Variants in CCSER1 observed in about 807,000 individuals in gnomAD.
CCSER1 encodes the protein coiled-coil serine rich protein 1.
Under a neutral mutation model 82.0 loss-of-function variants are expected in CCSER1, and 41 were observed. The observed-to-expected ratio is 0.50, with a 90% CI of 0.39 to 0.65. The LOEUF is 0.65. Ranked by LOEUF, CCSER1 falls within the 30% of genes least tolerant of loss-of-function variation. The probability of loss-of-function intolerance (pLI) is 0.00; values close to 1 mark genes in which losing one functional copy is unlikely to be tolerated. For synonymous variants in CCSER1, 414 were observed against 383.9 expected, an observed-to-expected ratio of 1.08 and a Z score of -0.92; for missense variants, 1,119 against 1,064.2, an observed-to-expected ratio of 1.05 and a Z score of -0.72.
At chr4:91,034,945 C>T (rs1050137175) in intron 9 of CCSER1, among the ~76,000 whole-genome samples, 6 of 152,066 alleles carry the variant, frequency 3.9e-5, no homozygotes, top group African/African-American at 9.7e-5. Context: ...AATAGCTTGA[C>T]ATTTTCTTCA....
At chr4:91,176,835 G>A (rs950099542) in intron 10 of CCSER1, among the ~76,000 whole-genome samples, 35 of 152,186 alleles carry the variant, frequency 2.3e-4, no homozygotes, top group Non-Finnish European at 3.2e-4. Context: ...TGATTGCCCT[G>A]GCCAGAACTT....
intron 3 of CCSER1, among the ~76,000 whole-genome samples, chr4:90,389,575 A>T (rs1028226019): frequency 5.3e-5 from 8 of 152,148 alleles, no homozygotes; most frequent in African/African-American, 1.9e-4. Flanking sequence ...GGTAAATGAG[A>T]TATTATTTTC....
At chr4:90,559,138 T>G (rs1410594720) in intron 5 of CCSER1, among the ~76,000 whole-genome samples, 4 of 152,192 alleles carry the variant, frequency 2.6e-5, no homozygotes, top group African/African-American at 7.2e-5. Flanking sequence ...ACTATCTGAT[T>G]TGTATATTCT....
At chr4:90,384,887 T>G (rs961431395) in intron 3 of CCSER1, among the ~76,000 whole-genome samples, 3 of 152,146 alleles carry the variant, frequency 2.0e-5, no homozygotes, top group Non-Finnish European at 2.9e-5. Flanking sequence ...CACTCCTCCT[T>G]GCACCATTCC....
At chr4:90,717,019 C>T (rs1257868282) in intron 6 of CCSER1, among the ~76,000 whole-genome samples, 1 of 152,138 alleles carries the variant, frequency 6.6e-6, no homozygotes, top group Non-Finnish European at 1.5e-5. Context: ...TACTTGGTGA[C>T]TTCAGTCAAT....
intron 1 of CCSER1, among the ~76,000 whole-genome samples, chr4:90,246,827 T>G (rs979643435): frequency 6.6e-6 from 1 of 152,138 alleles, no homozygotes; most frequent in Non-Finnish European, 1.5e-5. Flanking sequence ...CAAAATATCT[T>G]ATTGTACTGT....
chr4:91,154,019 C>A (rs1730543135), intron 10 of CCSER1, among the ~76,000 whole-genome samples: 2 of 151,914 alleles, frequency 1.3e-5, no homozygotes, highest in Non-Finnish European at 1.5e-5. Context: ...CTGGGAGAAC[C>A]ACTACTCTCT....
intron 7 of CCSER1, among the ~76,000 whole-genome samples, chr4:90,801,556 A>T (rs1756811569): frequency 6.6e-6 from 1 of 152,320 alleles, no homozygotes; most frequent in African/African-American, 2.4e-5. Flanking sequence ...CTTAGGAGAT[A>T]TGCCACTGTA....
At chr4:90,514,919 G>A (rs905597820) in intron 5 of CCSER1, among the ~76,000 whole-genome samples, 52 of 149,016 alleles carry the variant, frequency 3.5e-4, no homozygotes, top group Non-Finnish European at 4.6e-4. Context: ...GTGCAGTGGC[G>A]TGCTCTTGGT....
At chr4:91,096,333 G>A (rs57174110) in intron 10 of CCSER1, among the ~76,000 whole-genome samples, 1 of 152,124 alleles carries the variant, frequency 6.6e-6, no homozygotes, top group Non-Finnish European at 1.5e-5. Context: ...GGCACTGTTG[G>A]TGCCATCTCC....
At chr4:91,066,906 C>G (rs938294026) in intron 9 of CCSER1, among the ~76,000 whole-genome samples, 3 of 151,152 alleles carry the variant, frequency 2.0e-5, no homozygotes, top group Admixed American at 6.6e-5. Flanking sequence ...TGGCTCACAC[C>G]TGTAATCCCA....
At chr4:90,650,276 G>A (rs950588171) in intron 6 of CCSER1, among the ~76,000 whole-genome samples, 7 of 152,124 alleles carry the variant, frequency 4.6e-5, no homozygotes, top group African/African-American at 1.4e-4. Context: ...AAGTGAAAAC[G>A]AGGAAGAATC....
At chr4:90,211,162 TA>T (rs1240871240) in intron 1 of CCSER1, among the ~76,000 whole-genome samples, 1 of 152,202 alleles carries the variant, frequency 6.6e-6, no homozygotes, top group African/African-American at 2.4e-5. Flanking sequence ...AAATTCTTTT[TA>T]AACTGTTCCT....
At chr4:90,704,546 T>C (rs953095054) in intron 6 of CCSER1, among the ~76,000 whole-genome samples, 10 of 152,206 alleles carry the variant, frequency 6.6e-5, no homozygotes, top group Non-Finnish European at 1.0e-4. Context: ...GGAAGTTCTC[T>C]TGGATAATAT....
At chr4:91,116,224 CATGGAATACT>C (rs1448805836) in intron 10 of CCSER1, among the ~76,000 whole-genome samples, 8 of 152,006 alleles carry the variant, frequency 5.3e-5, no homozygotes, top group African/African-American at 1.9e-4. Flanking sequence ...ACATACACAC[CATGGAATACT>C]ATGCAGCCAT....
At chr4:91,365,021 A>G (rs1178668150) in intron 10 of CCSER1, among the ~76,000 whole-genome samples, 2 of 152,208 alleles carry the variant, frequency 1.3e-5, no homozygotes, top group African/African-American at 4.8e-5. Context: ...CAAATGGCAG[A>G]TAATATCTTT....
intron 5 of CCSER1, among the ~76,000 whole-genome samples, chr4:90,514,464 A>C (rs1014710301): frequency 6.6e-6 from 1 of 152,174 alleles, no homozygotes; most frequent in Middle Eastern, 3.2e-3. Flanking sequence ...CAGTTTAGAA[A>C]ACATTTTAGG....
chr4:90,168,337 G>A (rs984601838), intron 1 of CCSER1, among the ~76,000 whole-genome samples: 1 of 151,878 alleles, frequency 6.6e-6, no homozygotes, highest in Non-Finnish European at 1.5e-5. Flanking sequence ...TTTTTTTCTT[G>A]TAAATTTGTT....
chr4:91,123,097 T>C (rs1727228366), intron 10 of CCSER1, among the ~76,000 whole-genome samples: 1 of 151,728 alleles, frequency 6.6e-6, no homozygotes, highest in Non-Finnish European at 1.5e-5. Context: ...TGTTCAATGA[T>C]ACCTTTTTTA....
Sources: allele counts gnomAD v4.1 joint callset (sites outside exome capture counted in the v4.1 genomes callset), GRCh38; gene constraint gnomAD v4.1.1; transcripts MANE v1.5; gene names NCBI Gene and HGNC (gene_info 2026-07-23, HGNC 2026-07-21).